Variants in BARHL2 observed in about 807,000 individuals in gnomAD.
The protein encoded by BARHL2 is BarH like homeobox 2, also known as barH-like 2 homeobox protein.
A neutral mutation model predicts 27.1 loss-of-function variants in BARHL2; 10 were observed. The ratio of observed to expected loss-of-function variants is 0.37; its 90% CI spans 0.23 to 0.63. The LOEUF (loss-of-function observed/expected upper bound fraction) is 0.63. Among genes scored for constraint, BARHL2 ranks in the 20% least tolerant of loss-of-function variants. The pLI, the probability that BARHL2 is intolerant of heterozygous loss-of-function variation, is 0.65. For missense variants in BARHL2, 483 were observed against 533.5 expected (o/e 0.91, Z 0.93); for synonymous variants, 248 against 224.7 (o/e 1.10, Z -0.93).
chr1:90,712,114 G>A lies in BARHL2; in HGVS notation c.*198C>T, dbSNP rs945349600. 4.2e-6 allele frequency: 2 copies of A among 479,374 alleles called. No individual in the cohort carries two copies. Among genetic ancestry groups the A allele is most frequent in the Non-Finnish European group, 7.0e-6 (2 of 286,176 alleles). The allele number at this position is 479,374 out of a possible 1,614,324, so 29.7% of individuals were successfully genotyped here. A position where few individuals can be genotyped will look rare whatever the true frequency, so the allele number is the denominator to read the frequency against. On this transcript the variant is annotated 3_prime_UTR_variant, in exon 3 of 3. Transcript: ENST00000370445. ...GATTTCCAGCCCTGTTTCTAGGGGTGGGGAGATGGAGAGCAGAGGGCTGGC... is the reference window on the plus strand; with the variant it reads ...GATTTCCAGCCCTGTTTCTAGGGGTAGGGAGATGGAGAGCAGAGGGCTGGC...
intron 2 of BARHL2, among the ~76,000 whole-genome samples, chr1:90,713,305 T>G (rs74099721): frequency 0.037 from 5,638 of 151,990 alleles, 343 homozygotes; most frequent in African/African-American, 0.13. Flanking sequence ...GAGGTGGGGG[T>G]GAATGCATTT....
rs746120574 is a variant in BARHL2, at chr1:90,717,158, A to G, written c.38T>C (p.Ile13Thr). ...ACTGGCACTGGACAAAATCGTGTCTATTCCAAAACTCGACCCGCTGGCCCC... is the reference window on the plus strand; with the variant it reads ...ACTGGCACTGGACAAAATCGTGTCTGTTCCAAAACTCGACCCGCTGGCCCC... ...MEGASGSSFG[I>T]DTILSSASSG... Residue 13 changes from isoleucine (I) to threonine (T), a missense_variant, in exon 1 of 3, where the codon ATA becomes ACA. Physicochemically the swap from Ile to Thr is moderately conservative, Grantham distance 89. This residue lies in a region of BARHL2 where 304 missense variants were observed against 284.9 expected (regional missense o/e 1.07). Coordinates refer to ENST00000370445, the MANE Select transcript of BARHL2 (RefSeq NM_020063.2). The G allele has an allele frequency of 4.3e-6, 7 of 1,613,522 alleles. No homozygotes were observed. Among genetic ancestry groups the G allele is most frequent in the Non-Finnish European group, 8.5e-7 (1 of 1,179,910 alleles).
chr1:90,715,379 G>C (rs886994373), intron 1 of BARHL2, among the ~76,000 whole-genome samples: 1 of 151,992 alleles, frequency 6.6e-6, no homozygotes, highest in Non-Finnish European at 1.5e-5. Context: ...AAATCACTGA[G>C]CCCATCCAGG....
Position 90,717,094 on chromosome 1 carries a change from C to G in BARHL2, c.102G>C (p.Pro34=). The G allele has an allele frequency of 6.2e-7, 1 of 1,613,890 alleles. No homozygotes were observed. ...AATCCGCGGTCCTGGCCTCACCGAG[C>G]GGGCGGAAATCTCCATTCATCATGC... ...SPGMMNGDFR[P]LGEARTADFR... is the part of the protein sequence containing the mutation. Residue 34 remains proline (P), a synonymous_variant, in exon 1 of 3, where the codon CCG becomes CCC. Coordinates refer to ENST00000370445, the MANE Select transcript of BARHL2 (RefSeq NM_020063.2).
At chr1:90,713,656 G>A (rs111253587) in intron 2 of BARHL2, among the ~76,000 whole-genome samples, 1,779 of 152,292 alleles carry the variant, frequency 0.012, 33 homozygotes, top group African/African-American at 0.041. Flanking sequence ...GAACACAAAC[G>A]GGAGAAAAGG....
rs1658044918 is a variant in BARHL2, at chr1:90,712,152, G to A, written c.*160C>T. Reference sequence around the variant, plus strand: ...GCAGAGGGCTGGCTCCTCTTTGGGGGTCCCCTGCCCACTGGTAAGCATCTT... The same window carrying A: ...GCAGAGGGCTGGCTCCTCTTTGGGGATCCCCTGCCCACTGGTAAGCATCTT... On this transcript the variant is annotated 3_prime_UTR_variant, in exon 3 of 3. Coordinates refer to ENST00000370445, the MANE Select transcript of BARHL2 (RefSeq NM_020063.2). 1.4e-6 allele frequency: 1 copy of A among 725,670 alleles called. No homozygotes were observed. Among genetic ancestry groups the A allele is most frequent in the Non-Finnish European group, 2.0e-6 (1 of 495,708 alleles). The allele number at this position is 725,670 out of a possible 1,614,324, so 45.0% of individuals were successfully genotyped here. A position where few individuals can be genotyped will look rare whatever the true frequency, so the allele number is the denominator to read the frequency against.
chr1:90,713,947 A>C (rs954793958), intron 2 of BARHL2, among the ~76,000 whole-genome samples: 4 of 152,184 alleles, frequency 2.6e-5, no homozygotes, highest in Non-Finnish European at 4.4e-5. Flanking sequence ...CCGATTCTCC[A>C]GGCTGCGGCT....
Position 90,717,286 on chromosome 1 carries a change from A to C in BARHL2, c.-91T>G. ...GATCGTAAAACAAAATAAACACCAA[A>C]CAATGTTGCCGCCGCTTAAAAAAAA... On this transcript the variant is annotated 5_prime_UTR_variant, in exon 1 of 3. Transcript: ENST00000370445. 6.6e-7 allele frequency: 1 copy of C among 1,522,652 alleles called. No homozygotes were observed. Among genetic ancestry groups the C allele is most frequent in the Non-Finnish European group, 8.7e-7 (1 of 1,149,146 alleles). The allele number at this position is 1,522,652 out of a possible 1,614,324, so 94.3% of individuals were successfully genotyped here.
At chr1:90,715,549 G>T (rs1658127381) in intron 1 of BARHL2, among the ~76,000 whole-genome samples, 1 of 152,058 alleles carries the variant, frequency 6.6e-6, no homozygotes, top group South Asian at 2.1e-4. Flanking sequence ...TGACCCACTG[G>T]GGAGGTTGGT....
At position 90,716,790 on chromosome 1, in the gene BARHL2, T is replaced by C; in HGVS notation, c.406A>G (p.Arg136Gly). 6.4e-7 allele frequency: 1 copy of C among 1,555,058 alleles called. No individual in the cohort carries two copies. The highest frequency in any genetic ancestry group is 8.7e-7 in the Non-Finnish European group (1 of 1,149,106). ...QQLGSAASAP[R>G]TSTSSFLIKD... ...ATTAAAAAAGAAGACGTGGAAGTCC[T>C]GGGGGCCGAGGCGGCCGAGCCCAGC... The change falls in exon 1 of 3, where the codon AGG becomes GGG. Residue 136 changes from arginine to glycine, a missense_variant. Arg to Gly is a moderately radical substitution (Grantham distance 125). This residue lies in a region of BARHL2 where 304 missense variants were observed against 284.9 expected (regional missense o/e 1.07). Coordinates refer to ENST00000370445, the MANE Select transcript of BARHL2 (RefSeq NM_020063.2).
In BARHL2 at chr1:90,714,861, G is replaced by A. The variant is rs540904274; in HGVS notation, c.626-105C>T. The A allele has an allele frequency of 4.2e-4, 433 of 1,022,838 alleles. 3 individuals carry two copies. The African/African-American group carries it at 6.1e-3, about 14-fold the overall frequency. The allele number at this position is 1,022,838 out of a possible 1,614,324, so 63.4% of individuals were successfully genotyped here. A position where few individuals can be genotyped will look rare whatever the true frequency, so the allele number is the denominator to read the frequency against. On this transcript the variant is annotated intron_variant, in intron 1 of 2. Transcript: ENST00000370445. ...CATTCCCAAGCCAACTACTGGCTTC[G>A]GGGGACTGCACTCTGCCACCCCTAG... is the stretch of plus-strand genomic sequence containing the variant.
Position 90,714,560 on chromosome 1 carries a change from G to C in BARHL2, c.822C>G (p.Thr274=), listed in dbSNP as rs374374681. Reference sequence around the variant, plus strand: ...GGTTCTGGTACCAGGTCTTGACTTGGGTGTCAGTGAGGTTGAGCGCTGCAG... The same window carrying C: ...GGTTCTGGTACCAGGTCTTGACTTGCGTGTCAGTGAGGTTGAGCGCTGCAG... ...DLAAALNLTD[T]QVKTWYQNRR... The change falls in exon 2 of 3, where the codon ACC becomes ACG. Residue 274 remains threonine (T), a synonymous_variant. Coordinates refer to ENST00000370445, the MANE Select transcript of BARHL2 (RefSeq NM_020063.2). The C allele has an allele frequency of 2.5e-6, 4 of 1,614,206 alleles. No individual in the cohort carries two copies. Among genetic ancestry groups the C allele is most frequent in the Non-Finnish European group, 3.4e-6 (4 of 1,180,028 alleles).
At chr1:90,716,116 TGG>T (rs367905218) in intron 1 of BARHL2, among the ~76,000 whole-genome samples, 25 of 121,816 alleles carry the variant, frequency 2.1e-4, no homozygotes, top group Non-Finnish European at 3.5e-4. Flanking sequence ...GAAAATAAAG[TGG>T]GGGGGGGGTG....
Position 90,711,648 on chromosome 1 carries a change from A to C in BARHL2, c.*664T>G, listed in dbSNP as rs940405258. 2 of 152,242 alleles carry C rather than the reference A, an allele frequency of 1.3e-5. No individual in the cohort carries two copies. Among genetic ancestry groups the C allele is most frequent in the African/African-American group, 2.4e-5 (1 of 41,470 alleles). 9.4% of individuals were successfully genotyped at this position (152,242 alleles called of 1,614,324 possible). ...TCGAAAAGACATGAAAAGAAAAATC[A>C]TGTTTTTACTAACGTATATAAGTGA... On this transcript the variant is annotated 3_prime_UTR_variant, in exon 3 of 3. Coordinates refer to ENST00000370445, the MANE Select transcript of BARHL2 (RefSeq NM_020063.2).
chr1:90,714,911 C>A (rs772900275), intron 1 of BARHL2, among the ~76,000 whole-genome samples, 155 bp from the exon 2 acceptor site: 2 of 152,084 alleles, frequency 1.3e-5, no homozygotes, highest in African/African-American at 4.8e-5. Context: ...CACGCCTTAG[C>A]CTGAGTGTGG....
Position 90,711,787 on chromosome 1 carries a change from T to C in BARHL2, c.*525A>G, listed in dbSNP as rs1000559086. 1 of 152,296 alleles carries C rather than the reference T, an allele frequency of 6.6e-6. No individual in the cohort carries two copies. Among genetic ancestry groups the C allele is most frequent in the South Asian group, 2.1e-4 (1 of 4,818 alleles). 9.4% of individuals were successfully genotyped at this position (152,296 alleles called of 1,614,324 possible). Reference sequence around the variant, plus strand: ...CACTTTTCCAAAAGAAAAAAGGTCATGAGAAATCAGTGCAAAGTTCTCAGT... The same window carrying C: ...CACTTTTCCAAAAGAAAAAAGGTCACGAGAAATCAGTGCAAAGTTCTCAGT... On this transcript the variant is annotated 3_prime_UTR_variant, in exon 3 of 3. Coordinates refer to ENST00000370445, the MANE Select transcript of BARHL2 (RefSeq NM_020063.2).
intron 2 of BARHL2, among the ~76,000 whole-genome samples, chr1:90,712,957 G>A (rs997745857): frequency 1.3e-5 from 2 of 152,012 alleles, no homozygotes; most frequent in Non-Finnish European, 2.9e-5. Flanking sequence ...CTTTCCTTAG[G>A]GCCAAAGGAG....
Position 90,716,539 on chromosome 1 carries a change from G to C in BARHL2, c.625+32C>G, listed in dbSNP as rs767496569. The C allele has an allele frequency of 4.2e-5, 68 of 1,607,716 alleles. 1 individual carries two copies. The highest frequency in any genetic ancestry group is 5.1e-5 in the Non-Finnish European group (60 of 1,175,012). ...GATTGGGAACCAGGAGGACAAGCTAGACGGCCGAGAGCGCCGGGTGGCGGG... is the reference window on the plus strand; with the variant it reads ...GATTGGGAACCAGGAGGACAAGCTACACGGCCGAGAGCGCCGGGTGGCGGG... On this transcript the variant is annotated intron_variant, in intron 1 of 2. Transcript: ENST00000370445.
intron 1 of BARHL2, among the ~76,000 whole-genome samples, chr1:90,715,408 C>T (rs1476025056): frequency 6.6e-6 from 1 of 152,000 alleles, no homozygotes; most frequent in Non-Finnish European, 1.5e-5. Context: ...TGGAGATTTC[C>T]GGATTCTATT....
Sources: allele counts gnomAD v4.1 joint callset (sites outside exome capture counted in the v4.1 genomes callset), GRCh38; gene constraint gnomAD v4.1.1; regional missense constraint gnomAD v4.1.1; transcripts MANE v1.5; gene names NCBI Gene and HGNC (gene_info 2026-07-23, HGNC 2026-07-21).